The following ATP2C1 variants were observed in gnomAD, a reference collection of about 807,000 sequenced individuals.
ATP2C1 encodes the protein ATPase secretory pathway Ca2+ transporting 1.
In ATP2C1, 31 loss-of-function variants were observed where a neutral mutation model predicts 120.5. That is an observed-to-expected ratio of 0.26 (90% CI 0.19 to 0.35). The LOEUF (loss-of-function observed/expected upper bound fraction) is 0.35, where lower values mean the gene tolerates loss of function less well. Ranked by LOEUF, ATP2C1 falls within the 10% of genes least tolerant of loss-of-function variation. The probability of loss-of-function intolerance (pLI) is 1.00; values close to 1 mark genes in which losing one functional copy is unlikely to be tolerated. For missense variants in ATP2C1, 731 were observed against 1,107.5 expected (o/e 0.66, Z 4.83); for synonymous variants, 351 against 358.7 (o/e 0.98, Z 0.24).
chr3:130,938,134 A>G (rs1377700399), intron 6 of ATP2C1, among the ~76,000 whole-genome samples: 1 of 152,260 alleles, frequency 6.6e-6, no homozygotes, highest in East Asian at 1.9e-4. Flanking sequence ...TAAATAAAAC[A>G]TATGTAAAGT....
chr3:130,904,709 C>G (rs955411349), intron 2 of ATP2C1, among the ~76,000 whole-genome samples: 4 of 152,004 alleles, frequency 2.6e-5, no homozygotes, highest in African/African-American at 9.7e-5. Context: ...TCATACTTTA[C>G]ATGGGCAAGT....
intron 17 of ATP2C1, among the ~76,000 whole-genome samples, chr3:130,974,899 A>G (rs2061476266): frequency 6.6e-6 from 1 of 152,192 alleles, no homozygotes; most frequent in Admixed American, 6.5e-5. Flanking sequence ...TACCATGACA[A>G]AAAATAAAAG....
chr3:130,961,198 T>C (rs556219356), intron 12 of ATP2C1, among the ~76,000 whole-genome samples: 109 of 151,786 alleles, frequency 7.2e-4, no homozygotes, highest in African/African-American at 2.4e-3. Context: ...GTTTGAGATA[T>C]TAAACATTGA....
chr3:130,879,393 T>A (rs1287190603), intron 1 of ATP2C1, among the ~76,000 whole-genome samples: 1 of 152,202 alleles, frequency 6.6e-6, no homozygotes, highest in Non-Finnish European at 1.5e-5. Flanking sequence ...TCTCTTTTTT[T>A]AATGAAATGT....
intron 20 of ATP2C1, among the ~76,000 whole-genome samples, chr3:130,986,494 A>G (rs2062018718): frequency 6.6e-6 from 1 of 152,220 alleles, no homozygotes; most frequent in African/African-American, 2.4e-5. Context: ...TACAAATTAC[A>G]TCATCAGCCT....
At chr3:130,997,844 G>T (rs962275052) in intron 25 of ATP2C1, 91 bp downstream of exon 25, 1 of 1,337,884 alleles carries the variant, frequency 7.5e-7, no homozygotes, top group African/African-American at 1.4e-5. Context: ...CAGAAGGCTG[G>T]GAAGTTAAGG....
chr3:130,919,540 A>G (rs752862327), intron 2 of ATP2C1, among the ~76,000 whole-genome samples: 5 of 152,180 alleles, frequency 3.3e-5, no homozygotes, highest in African/African-American at 7.2e-5. Context: ...TTTTAAGGCT[A>G]CATAGTATTC....
At chr3:131,009,484 C>T (rs191731514) in intron 26 of ATP2C1, among the ~76,000 whole-genome samples, 7 of 152,280 alleles carry the variant, frequency 4.6e-5, no homozygotes, top group Admixed American at 3.3e-4. Context: ...ATTTCTGTCC[C>T]TAAAAACAGA....
chr3:130,996,953 A>G (rs2062650243), intron 24 of ATP2C1, among the ~76,000 whole-genome samples, 157 bp downstream of exon 24: 1 of 152,162 alleles, frequency 6.6e-6, no homozygotes, highest in African/African-American at 2.4e-5. Context: ...TATTTTATTA[A>G]TTCTTTTTGA....
At chr3:130,887,140 G>T (rs1042055129) in intron 1 of ATP2C1, among the ~76,000 whole-genome samples, 3 of 152,192 alleles carry the variant, frequency 2.0e-5, no homozygotes, top group Admixed American at 6.5e-5. Context: ...TGTATTATGA[G>T]GCAGAGACTC....
intron 2 of ATP2C1, among the ~76,000 whole-genome samples, chr3:130,920,434 T>TC (rs1406222071): frequency 6.6e-6 from 1 of 152,212 alleles, no homozygotes; most frequent in Non-Finnish European, 1.5e-5. Context: ...TGCCATTCCT[T>TC]TCCTCATTGT....
intron 23 of ATP2C1, 49 bp from the exon 24 acceptor site, chr3:130,996,631 C>A: frequency 2.4e-6 from 3 of 1,231,794 alleles, no homozygotes; most frequent in Non-Finnish European, 2.4e-6. Context: ...ATCATAGAAT[C>A]AACAGATTTA....
At position 130,936,678 on chromosome 3, in the gene ATP2C1, G is replaced by A. The variant is rs994330150; in HGVS notation, c.325-750G>A. 2.0e-4 allele frequency among the ~76,000 whole-genome samples: 31 copies of A among 151,646 alleles called. 1 individual carries two copies. Among genetic ancestry groups the A allele is most frequent in the Admixed American group, 2.0e-4 (3 of 15,234 alleles). On this transcript the variant is annotated intron_variant, in intron 5 of 27. Transcript: ENST00000510168. The stretch of plus-strand genomic sequence containing the variant: ...ATACAAAAAAAAAAATTAGCTGGGC[G>A]TGGTGGTGGGCACCTGTAGTCCCAG...
Position 130,964,115 on chromosome 3 carries a change from A to G in ATP2C1, c.1024+20A>G. The G allele has an allele frequency of 6.2e-7, 1 of 1,611,640 alleles. No individual in the cohort carries two copies. The highest frequency in any genetic ancestry group is 8.5e-7 in the Non-Finnish European group (1 of 1,178,102). On this transcript the variant is annotated intron_variant, in intron 13 of 27. Coordinates refer to ENST00000510168, the MANE Select transcript of ATP2C1 (RefSeq NM_001378687.1). ...CTCTGGGTAAGTCTGTGTTAAGAGC[A>G]TTCTTATGCAATGATGCGTAAGTTT...
intron 17 of ATP2C1, among the ~76,000 whole-genome samples, chr3:130,970,231 T>G (rs2061236260): frequency 6.6e-6 from 1 of 151,396 alleles, no homozygotes; most frequent in Admixed American, 6.6e-5. Flanking sequence ...GACAGGGGAA[T>G]TGTTTGAACC....
At chr3:130,888,496 C>G (rs1028689585) in intron 1 of ATP2C1, among the ~76,000 whole-genome samples, 2 of 152,202 alleles carry the variant, frequency 1.3e-5, no homozygotes, top group Non-Finnish European at 2.9e-5. Flanking sequence ...CCAAAAAACT[C>G]AAGTTCTGAC....
intron 2 of ATP2C1, among the ~76,000 whole-genome samples, chr3:130,915,154 C>T (rs946032479): frequency 6.6e-6 from 1 of 151,448 alleles, no homozygotes; most frequent in East Asian, 1.9e-4. Context: ...AGTGCAATGG[C>T]GTGATCTTGG....
chr3:130,867,675 CAA>C (rs2107749503), intron 1 of ATP2C1, among the ~76,000 whole-genome samples: 1 of 151,408 alleles, frequency 6.6e-6, no homozygotes, highest in Non-Finnish European at 1.5e-5. Context: ...CTTGGCCTCC[CAA>C]AGAGCCGAGA....
At chr3:130,972,825 T>C (rs2061388873) in intron 17 of ATP2C1, among the ~76,000 whole-genome samples, 1 of 151,934 alleles carries the variant, frequency 6.6e-6, no homozygotes, top group Admixed American at 6.6e-5. Flanking sequence ...TAGTATTCCA[T>C]GGTGTATTAA....
Sources: gnomAD v4.1 joint callset for allele counts (sites outside exome capture counted in the v4.1 genomes callset) on GRCh38, gnomAD v4.1.1 for gene constraint, MANE v1.5 for transcripts, NCBI Gene and HGNC (gene_info 2026-07-23, HGNC 2026-07-21) for gene names.